The following TMEM59L variants were observed in gnomAD, a reference collection of about 807,000 sequenced individuals.
TMEM59L encodes transmembrane protein 59-like.
A neutral mutation model predicts 39.6 loss-of-function variants in TMEM59L; 31 were observed. The observed-to-expected ratio is 0.78, with a 90% CI of 0.59 to 1.06. The LOEUF is 1.06. Among genes scored for constraint, TMEM59L ranks in the 50% least tolerant of loss-of-function variants. TMEM59L has a pLI of 0.00. For synonymous variants in TMEM59L, 219 were observed against 202.9 expected (o/e 1.08, Z -0.68); for missense variants, 441 against 451.3 (o/e 0.98, Z 0.21).
intron 5 of TMEM59L, 103 bp from the exon 6 acceptor site, chr19:18,618,052 C>T: frequency 1.2e-6 from 1 of 840,570 alleles, no homozygotes; most frequent in Non-Finnish European, 2.0e-6. Context: ...ATCTCCATTC[C>T]AGGACTCTAT....
chr19:18,613,728 T>C (rs1016256696), intron 1 of TMEM59L, 144 bp from the exon 2 acceptor site: 5 of 644,566 alleles, frequency 7.8e-6, no homozygotes, highest in Non-Finnish European at 1.3e-5. Context: ...CTAATATTTG[T>C]AGCCTCTCCC....
At chr19:18,617,161 C>T (rs773854435) in intron 5 of TMEM59L, 59 bp downstream of exon 5, 15 of 1,349,966 alleles carry the variant, frequency 1.1e-5, no homozygotes, top group East Asian at 4.6e-5. Context: ...CACAAGGAGT[C>T]GGCCTGGCAA....
In TMEM59L at chr19:18,620,703, A is replaced by G; in HGVS notation, c.*167A>G. The stretch of plus-strand genomic sequence containing the variant: ...TTGCCCCACGGAGTCCTGGGGACGC[A>G]GTGCCCCAGCTGGGAAGAGGGCGGG... On this transcript the variant is annotated 3_prime_UTR_variant, in exon 8 of 8. Transcript: ENST00000262817. The G allele has an allele frequency of 9.7e-7, 1 of 1,026,388 alleles. No individual in the cohort carries two copies. The highest frequency in any genetic ancestry group is 1.3e-6 in the Non-Finnish European group (1 of 749,198). 63.6% of individuals were successfully genotyped at this position (1,026,388 alleles called of 1,614,324 possible). A position where few individuals can be genotyped will look rare whatever the true frequency, so the allele number is the denominator to read the frequency against.
rs1976487602 is a variant in TMEM59L, at chr19:18,620,737, C to A, written c.*201C>A. 4.7e-6 allele frequency: 3 copies of A among 634,750 alleles called. No homozygotes were observed. Among genetic ancestry groups the A allele is most frequent in the Admixed American group, 3.5e-5 (1 of 28,970 alleles). 39.3% of individuals were successfully genotyped at this position (634,750 alleles called of 1,614,324 possible). ...GCTGGGAAGAGGGCGGGATCGGGCA[C>A]TGGTTCCTCCTTGTCCCCGCTTTCT... On this transcript the variant is annotated 3_prime_UTR_variant, in exon 8 of 8. Transcript: ENST00000262817.
intron 1 of TMEM59L, 111 bp from the exon 2 acceptor site, chr19:18,613,761 A>G (rs1976396087): frequency 1.3e-6 from 1 of 798,110 alleles, no homozygotes; most frequent in Non-Finnish European, 2.0e-6. Context: ...ATCTGGCTAG[A>G]TGTCGTGGGG....
chr19:18,614,396 C>T (rs747616240), intron 3 of TMEM59L, among the ~76,000 whole-genome samples: 41 of 152,224 alleles, frequency 2.7e-4, no homozygotes, highest in Non-Finnish European at 4.9e-4. Context: ...ACCACCTTTT[C>T]AGGAATAAGT....
At position 18,618,408 on chromosome 19, in the gene TMEM59L, C is replaced by A; in HGVS notation, c.816C>A (p.Cys272Ter). ...RSGLPRWILA[C>*]CLFLSVLVML... ...GTCTGCCTCGCTGGATCCTGGCCTG[C>A]TGCCTCTTCCTCTCCGTGCTGGTGA... is the stretch of plus-strand genomic sequence containing the variant. Residue 272 changes from cysteine to a stop codon, truncating the protein, a stop_gained, in exon 7 of 8, where the codon TGC becomes TGA. Coordinates refer to ENST00000262817, the MANE Select transcript of TMEM59L (RefSeq NM_012109.3). LOFTEE classifies it high-confidence loss of function. 6.2e-7 allele frequency: 1 copy of A among 1,607,606 alleles called. No individual in the cohort carries two copies. The highest frequency in any genetic ancestry group is 8.5e-7 in the Non-Finnish European group (1 of 1,179,218).
Position 18,618,420 on chromosome 19 carries a change from C to T in TMEM59L, c.828C>T (p.Leu276=), listed in dbSNP as rs1568447453. 1.2e-6 allele frequency: 2 copies of T among 1,608,290 alleles called. No homozygotes were observed. The highest frequency in any genetic ancestry group is 2.2e-5 in the South Asian group (2 of 90,454). The change falls in exon 7 of 8, where the codon CTC becomes CTT. Residue 276 remains leucine (L), a synonymous_variant. Coordinates refer to ENST00000262817, the MANE Select transcript of TMEM59L (RefSeq NM_012109.3). ...PRWILACCLF[L]SVLVMLWLSC... ...GGATCCTGGCCTGCTGCCTCTTCCT[C>T]TCCGTGCTGGTGATGCTGTGGCTGA...
chr19:18,615,626 G>A (rs563510374), intron 3 of TMEM59L, among the ~76,000 whole-genome samples: 47 of 152,240 alleles, frequency 3.1e-4, no homozygotes, highest in Admixed American at 3.1e-3. Context: ...TTATTTATTT[G>A]AGATGGAGTC....
chr19:18,614,105 C>T lies in TMEM59L; in HGVS notation c.318C>T (p.Ala106=). 1.2e-6 allele frequency: 2 copies of T among 1,612,306 alleles called. No individual in the cohort carries two copies. The highest frequency in any genetic ancestry group is 1.7e-6 in the Non-Finnish European group (2 of 1,179,738). ...GTCACCCGCTCCCACCTCCCACAGC[C>T]TGCGTGGAAGCCTATGTGAAGGAGG... is the stretch of plus-strand genomic sequence containing the variant. The part of the protein sequence containing the change: ...PNATQTECEA[A]CVEAYVKEAE... The change falls in exon 3 of 8, where the codon GCC becomes GCT. Residue 106 remains alanine, a splice_region_variant and synonymous_variant. Coordinates refer to ENST00000262817, the MANE Select transcript of TMEM59L (RefSeq NM_012109.3).
Position 18,617,840 on chromosome 19 carries a change from G to A in TMEM59L, c.665-315G>A, listed in dbSNP as rs570850264. 418 of 429,624 alleles carry A rather than the reference G, an allele frequency of 9.7e-4. 5 individuals are homozygous for A. The highest frequency in any genetic ancestry group is 8.6e-3 in the South Asian group (407 of 47,368). 26.6% of individuals were successfully genotyped at this position (429,624 alleles called of 1,614,324 possible). On this transcript the variant is annotated intron_variant, in intron 5 of 7. Transcript: ENST00000262817. Reference sequence around the variant, plus strand: ...TCATCTCCTAGGATCCATCTCCCAGGGTTCCATGGGTTCATCTTCTAGGGT... The same window carrying A: ...TCATCTCCTAGGATCCATCTCCCAGAGTTCCATGGGTTCATCTTCTAGGGT...
rs1188385963 is a variant in TMEM59L at position 18,613,780 on chromosome 19, A to ACGCTG, written c.172-92_172-91insCGCTG. On this transcript the variant is annotated intron_variant, in intron 1 of 7. Coordinates refer to ENST00000262817, the MANE Select transcript of TMEM59L (RefSeq NM_012109.3). ...GGCTAGATGTCGTGGGGAGCGGGGA[A>ACGCTG]GCCTTTCCCTGCCTCTGCTGAATGC... is the stretch of plus-strand genomic sequence containing the variant. The ACGCTG allele has an allele frequency of 5.1e-5, 51 of 990,804 alleles. No individual in the cohort carries two copies. The Admixed American group carries it at 6.6e-4, about 13-fold the overall frequency. The allele number at this position is 990,804 out of a possible 1,614,324, so 61.4% of individuals were successfully genotyped here. A position where few individuals can be genotyped will look rare whatever the true frequency, so the allele number is the denominator to read the frequency against.
intron 3 of TMEM59L, among the ~76,000 whole-genome samples, chr19:18,614,735 G>A (rs545348204): frequency 6.6e-6 from 1 of 152,326 alleles, no homozygotes; most frequent in East Asian, 1.9e-4. Flanking sequence ...GGCTTGCCTC[G>A]CAAGCACGCA....
Position 18,618,238 on chromosome 19 carries a change from C to G in TMEM59L, c.748C>G (p.Pro250Ala), listed in dbSNP as rs776196824. ...CAAGGCCAAGGTGGAGTCTGAAGAG[C>G]CACAGGACAATGACTTCCTCAGTTG... ...SSKAKVESEE[P>A]QDNDFLSCMS... Residue 250 changes from proline to alanine, a missense_variant, in exon 6 of 8, where the codon CCA becomes GCA. Coordinates refer to ENST00000262817, the MANE Select transcript of TMEM59L (RefSeq NM_012109.3). 2 of 1,611,454 alleles carry G rather than the reference C, an allele frequency of 1.2e-6. No homozygotes were observed. Among genetic ancestry groups the G allele is most frequent in the Non-Finnish European group, 1.7e-6 (2 of 1,179,660 alleles).
rs1405478563 is a variant in TMEM59L at position 18,620,686 on chromosome 19, C to T, written c.*150C>T. Reference sequence around the variant, plus strand: ...CCTCCCAGTCCCACCCCTTGCCCCACGGAGTCCTGGGGACGCAGTGCCCCA... The same window carrying T: ...CCTCCCAGTCCCACCCCTTGCCCCATGGAGTCCTGGGGACGCAGTGCCCCA... On this transcript the variant is annotated 3_prime_UTR_variant, in exon 8 of 8. Coordinates refer to ENST00000262817, the MANE Select transcript of TMEM59L (RefSeq NM_012109.3). 1.1e-5 allele frequency: 14 copies of T among 1,228,082 alleles called. No individual in the cohort carries two copies. Among genetic ancestry groups the T allele is most frequent in the East Asian group, 2.7e-5 (1 of 37,070 alleles). The allele number at this position is 1,228,082 out of a possible 1,614,324, so 76.1% of individuals were successfully genotyped here.
intron 2 of TMEM59L, 30 bp downstream of exon 2, chr19:18,614,046 G>C (rs746986540): frequency 6.2e-7 from 1 of 1,612,976 alleles, no homozygotes; most frequent in South Asian, 1.1e-5. Flanking sequence ...GTGGGCCAGC[G>C]TGGGGAGAGG....
chr19:18,614,498 A>C (rs557753465), intron 3 of TMEM59L, among the ~76,000 whole-genome samples: 29 of 152,354 alleles, frequency 1.9e-4, no homozygotes, highest in African/African-American at 7.0e-4. Context: ...TTGGAGGCAC[A>C]AAGGACAATG....
At chr19:18,615,487 T>TAC (rs1976417841) in intron 3 of TMEM59L, among the ~76,000 whole-genome samples, 1 of 152,164 alleles carries the variant, frequency 6.6e-6, no homozygotes, top group African/African-American at 2.4e-5. Context: ...TCCCTAAGGG[T>TAC]ACACAGGAAG....
Position 18,613,956 on chromosome 19 carries a change from A to T in TMEM59L, c.256A>T (p.Ile86Phe). 1 of 1,613,136 alleles carries T rather than the reference A, an allele frequency of 6.2e-7. No homozygotes were observed. The highest frequency in any genetic ancestry group is 8.5e-7 in the Non-Finnish European group (1 of 1,179,986). ...ACERGCRLFS[I>F]CRFVARSSKP... ...CGAGCGTGGCTGCCGCCTCTTCTCC[A>T]TCTGCCGATTTGTGGCCAGAAGCTC... Residue 86 changes from isoleucine (I) to phenylalanine (F), a missense_variant, in exon 2 of 8, where the codon ATC (isoleucine) becomes TTC (phenylalanine). Coordinates refer to ENST00000262817, the MANE Select transcript of TMEM59L (RefSeq NM_012109.3).
Sources: allele counts gnomAD v4.1 joint callset (sites outside exome capture counted in the v4.1 genomes callset), GRCh38; gene constraint gnomAD v4.1.1; transcripts MANE v1.5; gene names NCBI Gene and HGNC (gene_info 2026-07-23, HGNC 2026-07-21).